Variants in DYM observed in about 807,000 individuals in gnomAD.
DYM encodes the protein dyggve-Melchior-Clausen syndrome protein.
DYM carries 78 observed loss-of-function variants against 93.1 expected under a neutral mutation model. The observed-to-expected ratio is 0.84, with a 90% CI of 0.70 to 1.01. The LOEUF (loss-of-function observed/expected upper bound fraction) is 1.01. Ranked by LOEUF, DYM falls within the 50% of genes least tolerant of loss-of-function variation. The pLI is 0.00. For synonymous variants in DYM, 321 were observed against 319.7 expected, an observed-to-expected ratio of 1.00 and a Z score of -0.04; for missense variants, 789 against 845.0, an observed-to-expected ratio of 0.93 and a Z score of 0.82.
At chr18:49,406,630 A>C (rs543246111) in intron 2 of DYM, among the ~76,000 whole-genome samples, 1 of 152,316 alleles carries the variant, frequency 6.6e-6, no homozygotes, top group East Asian at 1.9e-4. Flanking sequence ...ACCATCCCAA[A>C]ATCACCAGGA....
At chr18:49,091,924 T>C (rs2079085397) in intron 17 of DYM, among the ~76,000 whole-genome samples, 1 of 152,082 alleles carries the variant, frequency 6.6e-6, no homozygotes, top group Admixed American at 6.6e-5. Flanking sequence ...TGACACATTA[T>C]TTTTAAAACT....
chr18:49,109,918 C>A (rs2081236872), intron 16 of DYM, among the ~76,000 whole-genome samples: 1 of 152,168 alleles, frequency 6.6e-6, no homozygotes, highest in Admixed American at 6.5e-5. Context: ...CCAATTCTTC[C>A]CTCTCATCCT....
Position 49,080,105 on chromosome 18 carries a change from C to A in DYM, c.2025+17297G>T, listed in dbSNP as rs367610954. 9.7e-3 allele frequency among the ~76,000 whole-genome samples: 612 copies of A among 63,394 alleles called. 12 individuals are homozygous for A. The highest frequency in any genetic ancestry group is 0.068 in the South Asian group (121 of 1,774). 41.6% of individuals were successfully genotyped at this position (63,394 alleles called of 152,430 possible). ...CTCCCGGACGGGGCGGCTGGCCGGG[C>A]GGGGGGCTGACCCCCCCACCTCCCT... On this transcript the variant is annotated intron_variant, in intron 17 of 17. Transcript: ENST00000675505.
chr18:49,367,855 C>T (rs540319934), intron 5 of DYM, among the ~76,000 whole-genome samples: 10 of 151,974 alleles, frequency 6.6e-5, no homozygotes, highest in Admixed American at 6.5e-4. Flanking sequence ...ATAAAATTGG[C>T]TTCTTTAAAA....
chr18:49,255,226 AC>A (rs1460413586), intron 13 of DYM, among the ~76,000 whole-genome samples: 1 of 152,232 alleles, frequency 6.6e-6, no homozygotes, highest in Non-Finnish European at 1.5e-5. Context: ...AGTTGTTATC[AC>A]CACCAATGAC....
Position 49,289,723 on chromosome 18 carries a change from A to G in DYM, c.764-3107T>C, listed in dbSNP as rs201361446. Among the ~76,000 whole-genome samples the G allele has an allele frequency of 7.4e-3, 271 of 36,734 alleles. 2 individuals carry two copies. Among genetic ancestry groups the G allele is most frequent in the African/African-American group, 0.019 (206 of 10,852 alleles). The allele number at this position is 36,734 out of a possible 152,430, so 24.1% of individuals were successfully genotyped here. A position where few individuals can be genotyped will look rare whatever the true frequency, so the allele number is the denominator to read the frequency against. On this transcript the variant is annotated intron_variant, in intron 8 of 17. Coordinates refer to ENST00000675505, the MANE Select transcript of DYM (RefSeq NM_001353214.3). ...AAGCCCCTATCTCAAATATATATAT[A>G]TGTGTATATATATATATATATATAT...
chr18:49,048,052 G>A (rs1169606622), intron 17 of DYM: 1 of 152,294 alleles, frequency 6.6e-6, no homozygotes, highest in Non-Finnish European at 1.5e-5. Context: ...GTCTGACTGT[G>A]TGCAAAGTTA....
chr18:49,239,567 T>A (rs1261789025), intron 13 of DYM, among the ~76,000 whole-genome samples: 3 of 152,228 alleles, frequency 2.0e-5, no homozygotes, highest in Non-Finnish European at 4.4e-5. Flanking sequence ...CCTTATAGTT[T>A]CTGCCACTCT....
chr18:49,155,653 GCTC>G (rs975997196), intron 15 of DYM, among the ~76,000 whole-genome samples: 1 of 152,138 alleles, frequency 6.6e-6, no homozygotes, highest in African/African-American at 2.4e-5. Flanking sequence ...CTTGTTACTG[GCTC>G]CTTTCACTTA....
At chr18:49,360,389 C>A (rs1206684345) in intron 6 of DYM, among the ~76,000 whole-genome samples, 1 of 151,940 alleles carries the variant, frequency 6.6e-6, no homozygotes, top group East Asian at 1.9e-4. Context: ...CTTTGGGAGG[C>A]CGAGGCGGGC....
intron 2 of DYM, among the ~76,000 whole-genome samples, chr18:49,401,096 T>TA (rs1285821370): frequency 1.3e-5 from 2 of 152,232 alleles, no homozygotes; most frequent in Non-Finnish European, 2.9e-5. Flanking sequence ...ATATTCATAC[T>TA]AATTCAGACT....
intron 14 of DYM, among the ~76,000 whole-genome samples, chr18:49,200,256 T>C (rs965595091): frequency 2.6e-5 from 4 of 152,052 alleles, no homozygotes; most frequent in Admixed American, 6.5e-5. Context: ...TTTTTTTAAT[T>C]TGTAAAAGAT....
At position 49,299,093 on chromosome 18, in the gene DYM, A is replaced by T. The variant is rs150446621; in HGVS notation, c.764-12477T>A. On this transcript the variant is annotated intron_variant, in intron 8 of 17. Coordinates refer to ENST00000675505, the MANE Select transcript of DYM (RefSeq NM_001353214.3). ...CAGAAACTTCATTCCATATGTCCCA[A>T]TGTCATCCCCTAAAGCAGTGTTTCC... Among the ~76,000 whole-genome samples the T allele has an allele frequency of 2.0e-5, 3 of 152,272 alleles. No homozygotes were observed. In the East Asian group the frequency reaches 5.8e-4, roughly 29 times the overall value.
At chr18:49,388,844 T>C (rs1183952616) in intron 3 of DYM, among the ~76,000 whole-genome samples, 2 of 148,908 alleles carry the variant, frequency 1.3e-5, no homozygotes, top group African/African-American at 5.0e-5. Context: ...AATTAACGTC[T>C]ATCTAAAATT....
intron 9 of DYM, among the ~76,000 whole-genome samples, 173 bp downstream of exon 9, chr18:49,286,261 G>A (rs2059656136): frequency 6.6e-6 from 1 of 152,170 alleles, no homozygotes; most frequent in South Asian, 2.1e-4. Context: ...AGATATAAAG[G>A]ATGCTTGACC....
intron 16 of DYM, among the ~76,000 whole-genome samples, chr18:49,102,936 T>C (rs1440611876): frequency 6.6e-6 from 1 of 152,200 alleles, no homozygotes; most frequent in South Asian, 2.1e-4. Context: ...TATCCAGTAA[T>C]GGGATTGCTG....
chr18:49,256,923 G>A (rs2094402899), intron 13 of DYM, 87 bp downstream of exon 13: 4 of 1,125,742 alleles, frequency 3.6e-6, no homozygotes, highest in South Asian at 1.3e-5. Flanking sequence ...GTCCTCACAG[G>A]TAACATTTAA....
chr18:49,385,106 A>C (rs1478282993), intron 3 of DYM, among the ~76,000 whole-genome samples: 1 of 152,164 alleles, frequency 6.6e-6, no homozygotes, highest in Non-Finnish European at 1.5e-5. Flanking sequence ...ATGAGGCCAC[A>C]GAACTTGGAG....
intron 8 of DYM, among the ~76,000 whole-genome samples, chr18:49,299,834 G>A (rs2060791392): frequency 6.6e-6 from 1 of 151,570 alleles, no homozygotes. Flanking sequence ...ATGAGGTCAG[G>A]AGATCAACAC....
Sources: gnomAD v4.1 joint callset for allele counts (sites outside exome capture counted in the v4.1 genomes callset) on GRCh38, gnomAD v4.1.1 for gene constraint, MANE v1.5 for transcripts, NCBI Gene and HGNC (gene_info 2026-07-23, HGNC 2026-07-21) for gene names.